Variants in MAGI2 observed in about 807,000 individuals in gnomAD.
The protein encoded by MAGI2 is membrane associated guanylate kinase, WW and PDZ domain containing 2, also known as membrane-associated guanylate kinase, WW and PDZ domain-containing protein 2.
In MAGI2, 35 loss-of-function variants were observed where a neutral mutation model predicts 133.3. The observed-to-expected ratio is 0.26, with a 90% CI of 0.20 to 0.35. MAGI2 has a LOEUF of 0.35. Ranked by LOEUF, MAGI2 falls within the 10% of genes least tolerant of loss-of-function variation. The pLI is 1.00. For synonymous variants in MAGI2, 729 were observed against 710.6 expected (o/e 1.03, Z -0.41); for missense variants, 1,636 against 1,863.4 (o/e 0.88, Z 2.25).
At chr7:78,606,348 C>A (rs961912502) in intron 3 of MAGI2, among the ~76,000 whole-genome samples, 1 of 152,060 alleles carries the variant, frequency 6.6e-6, no homozygotes, top group African/African-American at 2.4e-5. Flanking sequence ...AGAATTAAGA[C>A]CCTCTTTGCC....
chr7:78,877,686 A>G (rs774967409), intron 2 of MAGI2, among the ~76,000 whole-genome samples: 24 of 152,194 alleles, frequency 1.6e-4, no homozygotes, highest in Admixed American at 9.8e-4. Context: ...CAGAAATGGC[A>G]ATAATAAAAA....
chr7:78,981,096 A>G (rs1804744837), intron 2 of MAGI2, among the ~76,000 whole-genome samples: 1 of 151,538 alleles, frequency 6.6e-6, no homozygotes, highest in East Asian at 1.9e-4. Context: ...ACTTTCTTCT[A>G]TTATGTATAC....
chr7:79,170,586 A>G (rs1350066701), intron 1 of MAGI2, among the ~76,000 whole-genome samples: 1 of 152,078 alleles, frequency 6.6e-6, no homozygotes, highest in Non-Finnish European at 1.5e-5. Context: ...TCTACAACAT[A>G]CTGTTTTCTA....
intron 2 of MAGI2, among the ~76,000 whole-genome samples, chr7:78,913,263 T>C (rs528670792): frequency 2.6e-5 from 4 of 152,268 alleles, no homozygotes; most frequent in Non-Finnish European, 4.4e-5. Context: ...GGAGCACATG[T>C]CTCATGAATG....
At chr7:78,854,232 A>T (rs965311095) in intron 2 of MAGI2, among the ~76,000 whole-genome samples, 1 of 152,134 alleles carries the variant, frequency 6.6e-6, no homozygotes, top group Non-Finnish European at 1.5e-5. Flanking sequence ...TAAACTTTAG[A>T]TTATATATTT....
intron 5 of MAGI2, among the ~76,000 whole-genome samples, chr7:78,490,379 T>G (rs2046329889): frequency 6.6e-6 from 1 of 152,076 alleles, no homozygotes. Flanking sequence ...CATTAAACTA[T>G]CTTTCATCCA....
At chr7:79,400,397 A>T (rs1056444858) in intron 1 of MAGI2, among the ~76,000 whole-genome samples, 1 of 152,188 alleles carries the variant, frequency 6.6e-6, no homozygotes. Context: ...ATCCAAAAAA[A>T]CAAAGTCATA....
At chr7:78,662,288 C>G (rs1478945703) in intron 2 of MAGI2, among the ~76,000 whole-genome samples, 1 of 152,154 alleles carries the variant, frequency 6.6e-6, no homozygotes, top group Non-Finnish European at 1.5e-5. Context: ...GCCCTTCTAC[C>G]TTTCCATTAT....
chr7:78,144,584 CATT>C (rs1291243548), intron 16 of MAGI2, among the ~76,000 whole-genome samples: 1 of 152,064 alleles, frequency 6.6e-6, no homozygotes, highest in African/African-American at 2.4e-5. Context: ...TTCCTCACAT[CATT>C]AATTGCTTCC....
At chr7:78,881,088 T>A (rs1270015015) in intron 2 of MAGI2, among the ~76,000 whole-genome samples, 3 of 152,152 alleles carry the variant, frequency 2.0e-5, no homozygotes, top group African/African-American at 7.2e-5. Flanking sequence ...CTTCTAGACC[T>A]ACAAGAAGAC....
At chr7:78,066,085 G>A (rs963579254) in intron 21 of MAGI2, among the ~76,000 whole-genome samples, 5 of 152,184 alleles carry the variant, frequency 3.3e-5, no homozygotes, top group Non-Finnish European at 4.4e-5. Context: ...AAATAAATAC[G>A]TAGTGTCCCC....
chr7:78,795,820 A>G (rs1052978700), intron 2 of MAGI2, among the ~76,000 whole-genome samples: 1 of 152,074 alleles, frequency 6.6e-6, no homozygotes, highest in African/African-American at 2.4e-5. Context: ...AGAATAGAGA[A>G]CACAGAAACA....
chr7:78,464,526 C>T (rs1470433440), intron 6 of MAGI2, among the ~76,000 whole-genome samples: 1 of 152,010 alleles, frequency 6.6e-6, no homozygotes, highest in Non-Finnish European at 1.5e-5. Flanking sequence ...TCTCCAGGAA[C>T]CAACAGCAAG....
intron 21 of MAGI2, among the ~76,000 whole-genome samples, chr7:78,044,894 T>C (rs6970298): frequency 0.067 from 10,146 of 152,248 alleles, 343 homozygotes; most frequent in South Asian, 0.077. Flanking sequence ...TGTGGCCGGG[T>C]GCGGCGGCTC....
At chr7:78,077,576 A>T (rs55658369) in intron 21 of MAGI2, among the ~76,000 whole-genome samples, 436 of 152,126 alleles carry the variant, frequency 2.9e-3, no homozygotes, top group Middle Eastern at 6.8e-3. Context: ...GGTGCACAAG[A>T]TGCTGGAAAC....
intron 20 of MAGI2, among the ~76,000 whole-genome samples, chr7:78,080,818 C>A (rs907895772): frequency 3.3e-5 from 5 of 152,122 alleles, no homozygotes; most frequent in African/African-American, 1.2e-4. Context: ...ACACCATTCA[C>A]CCAAGCAGAA....
At chr7:78,570,275 G>A (rs1170750477) in intron 3 of MAGI2, among the ~76,000 whole-genome samples, 1 of 152,056 alleles carries the variant, frequency 6.6e-6, no homozygotes, top group Non-Finnish European at 1.5e-5. Flanking sequence ...GCTAAAATCT[G>A]GACTCTGCTA....
intron 2 of MAGI2, among the ~76,000 whole-genome samples, chr7:78,879,876 A>G (rs1795713856): frequency 1.3e-5 from 2 of 152,110 alleles, no homozygotes; most frequent in South Asian, 4.1e-4. Flanking sequence ...TTTAAAAGTA[A>G]TCAATCAGCG....
At chr7:78,093,062 G>A (rs984190949) in intron 20 of MAGI2, among the ~76,000 whole-genome samples, 2 of 149,050 alleles carry the variant, frequency 1.3e-5, no homozygotes, top group Non-Finnish European at 3.0e-5. Context: ...CGTGAACCTG[G>A]GAGGCAGAGC....
Sources: allele counts gnomAD v4.1 joint callset (sites outside exome capture counted in the v4.1 genomes callset), GRCh38; gene constraint gnomAD v4.1.1; transcripts MANE v1.5; gene names NCBI Gene and HGNC (gene_info 2026-07-23, HGNC 2026-07-21).